SPTBN1: variants seen among roughly 807,000 people sequenced by gnomAD.
SPTBN1 encodes spectrin beta, non-erythrocytic 1.
Under a neutral mutation model 266.4 loss-of-function variants are expected in SPTBN1, and 32 were observed. That is an observed-to-expected ratio of 0.12 (90% CI 0.09 to 0.16). The LOEUF (loss-of-function observed/expected upper bound fraction) is 0.16, where lower values mean the gene tolerates loss of function less well. SPTBN1 is among the 10% of genes least tolerant of loss of function. The pLI is 1.00. For synonymous variants in SPTBN1, 1,336 were observed against 1,162.2 expected (o/e 1.15, Z -3.04); for missense variants, 2,296 against 3,067.1 (o/e 0.75, Z 5.94).
At chr2:54,504,952 A>G (rs1332249331) in intron 1 of SPTBN1, among the ~76,000 whole-genome samples, 2 of 152,230 alleles carry the variant, frequency 1.3e-5, no homozygotes, top group African/African-American at 4.8e-5. Context: ...GTGAAATCCA[A>G]TGAAAACGTG....
chr2:54,602,846 T>C (rs962131401), intron 3 of SPTBN1, among the ~76,000 whole-genome samples: 3 of 152,204 alleles, frequency 2.0e-5, no homozygotes, highest in African/African-American at 7.2e-5. Context: ...GTTGAACTGC[T>C]CTGAGTTTTT....
rs373259160 is a variant in SPTBN1 at position 54,545,211 on chromosome 2, A to G, written c.148+18645A>G. Among the ~76,000 whole-genome samples, 52 of 152,290 alleles carry G rather than the reference A, an allele frequency of 3.4e-4. No homozygotes were observed. In the East Asian group the frequency reaches 4.4e-3, roughly 13 times the overall value. On this transcript the variant is annotated intron_variant, in intron 2 of 35. Transcript: ENST00000356805. Reference sequence around the variant, plus strand: ...TTTGGGTTGGTTCCAAGTCTTTGCTATTGTGAACAGTGACACAATAAACAT... The same window carrying G: ...TTTGGGTTGGTTCCAAGTCTTTGCTGTTGTGAACAGTGACACAATAAACAT...
At chr2:54,579,534 A>T (rs1674731428) in intron 2 of SPTBN1, among the ~76,000 whole-genome samples, 1 of 152,206 alleles carries the variant, frequency 6.6e-6, no homozygotes, top group Non-Finnish European at 1.5e-5. Flanking sequence ...AGCTCTCTTA[A>T]TACCTGAACT....
intron 12 of SPTBN1, among the ~76,000 whole-genome samples, chr2:54,627,792 C>T (rs534195163): frequency 1.3e-5 from 2 of 150,142 alleles, no homozygotes; most frequent in African/African-American, 4.9e-5. Context: ...CCCTCCCCCC[C>T]ACCCTGGCCC....
chr2:54,632,128 A>C (rs1678778999), intron 16 of SPTBN1, among the ~76,000 whole-genome samples: 1 of 150,130 alleles, frequency 6.7e-6, no homozygotes, highest in South Asian at 2.1e-4. Context: ...TTTTCTTGAG[A>C]CCAGTCTGTC....
chr2:54,623,571 G>A lies in SPTBN1; in HGVS notation c.1157G>A (p.Gly386Glu). 6.2e-7 allele frequency: 1 copy of A among 1,614,060 alleles called. No individual in the cohort carries two copies. Among genetic ancestry groups the A allele is most frequent in the South Asian group, 1.1e-5 (1 of 91,060 alleles). The part of the protein sequence containing the change: ...NNQKVYMPRE[G>E]KLISDINKAW... ...CAGAAGGTCTACATGCCCCGGGAGG[G>A]GAAGCTCATCTCTGACATCAACAAG... The change falls in exon 10 of 36, where the codon GGG (glycine) becomes GAG (glutamate). Residue 386 changes from glycine (G) to glutamate (E), a missense_variant. Transcript: ENST00000356805.
chr2:54,621,401 C>T lies in SPTBN1; in HGVS notation c.765C>T (p.Asp255=). The T allele has an allele frequency of 6.2e-7, 1 of 1,612,364 alleles. No individual in the cohort carries two copies. The highest frequency in any genetic ancestry group is 8.5e-7 in the Non-Finnish European group (1 of 1,178,502). Residue 255 remains aspartate (D), a splice_region_variant and synonymous_variant, in exon 8 of 36, where the codon GAC becomes GAT. Coordinates refer to ENST00000356805, the MANE Select transcript of SPTBN1 (RefSeq NM_003128.3). ...AACAGAGTCTTCTCTGGGTTACAGA[C>T]ATCAGCGTGGACCATCCTGATGAGA... The part of the protein sequence containing the change: ...LGLTKLLDPE[D]ISVDHPDEKS...
Position 54,664,085 on chromosome 2 carries a change from C to T in SPTBN1, c.6421-368C>T. 1 of 164,418 alleles carries T rather than the reference C, an allele frequency of 6.1e-6. No homozygotes were observed. Among genetic ancestry groups the T allele is most frequent in the Admixed American group, 6.2e-5 (1 of 16,210 alleles). The allele number at this position is 164,418 out of a possible 1,614,324, so 10.2% of individuals were successfully genotyped here. On this transcript the variant is annotated intron_variant, in intron 32 of 35. Coordinates refer to ENST00000356805, the MANE Select transcript of SPTBN1 (RefSeq NM_003128.3). The surrounding 1 kb of genome is among the most constrained non-coding windows in gnomAD (Gnocchi z 5.6). ...GGTGGCATCCTTGGTTGTAAGGTGG[C>T]TGCTGTATAACGTCCACTCTCTTTC...
intron 1 of SPTBN1, among the ~76,000 whole-genome samples, chr2:54,521,928 G>A (rs1328137276): frequency 2.6e-5 from 4 of 151,932 alleles, no homozygotes; most frequent in Non-Finnish European, 2.9e-5. Flanking sequence ...GACAGAGTCT[G>A]GCTGTGTCAC....
chr2:54,493,686 G>A (rs574092541), intron 1 of SPTBN1, among the ~76,000 whole-genome samples: 1 of 152,346 alleles, frequency 6.6e-6, no homozygotes, highest in East Asian at 1.9e-4. Flanking sequence ...ACAGGCATGA[G>A]CCACCACACC....
intron 2 of SPTBN1, among the ~76,000 whole-genome samples, chr2:54,564,727 A>C (rs1673554399): frequency 6.6e-6 from 1 of 152,210 alleles, no homozygotes; most frequent in Non-Finnish European, 1.5e-5. Flanking sequence ...TAGGCATTCC[A>C]GGAGGTTGGG....
At position 54,619,636 on chromosome 2, in the gene SPTBN1, T is replaced by A. The variant is rs548161799; in HGVS notation, c.763+1443T>A. Reference sequence around the variant, plus strand: ...AAAATCTACTTGTAGACAAGTTAAATAAAAAGTTTTACCTTCTCACTTCTT... The same window carrying A: ...AAAATCTACTTGTAGACAAGTTAAAAAAAAAGTTTTACCTTCTCACTTCTT... On this transcript the variant is annotated intron_variant, in intron 7 of 35. Transcript: ENST00000356805. Among the ~76,000 whole-genome samples the A allele has an allele frequency of 7.9e-5, 12 of 151,106 alleles. No homozygotes were observed. The East Asian group carries it at 2.1e-3, about 27-fold the overall frequency.
intron 2 of SPTBN1, among the ~76,000 whole-genome samples, chr2:54,567,829 T>A (rs1053581689): frequency 6.6e-6 from 1 of 152,288 alleles, no homozygotes; most frequent in Non-Finnish European, 1.5e-5. Context: ...GGTATGATGA[T>A]CGTTTTGGAG....
intron 1 of SPTBN1, among the ~76,000 whole-genome samples, chr2:54,462,394 T>A (rs1399539255): frequency 1.3e-5 from 2 of 152,246 alleles, no homozygotes; most frequent in Non-Finnish European, 2.9e-5. Context: ...AGAGACCACT[T>A]ACTAGAAACC....
chr2:54,610,500 A>T (rs1230131783), intron 3 of SPTBN1, among the ~76,000 whole-genome samples: 3 of 152,182 alleles, frequency 2.0e-5, no homozygotes, highest in African/African-American at 7.2e-5. Context: ...CCTGGGCACA[A>T]GCAGTCTGCC....
At chr2:54,507,040 T>C (rs377616210) in intron 1 of SPTBN1, among the ~76,000 whole-genome samples, 42 of 152,120 alleles carry the variant, frequency 2.8e-4, no homozygotes, top group Middle Eastern at 3.4e-3. Context: ...AGCAATGTTT[T>C]GGGGGCAGGG....
chr2:54,605,773 C>T (rs1425997803), intron 3 of SPTBN1, among the ~76,000 whole-genome samples: 1 of 152,200 alleles, frequency 6.6e-6, no homozygotes, highest in Non-Finnish European at 1.5e-5. Context: ...TCCCACTCCT[C>T]TCGTATAGTA....
At chr2:54,457,090 G>A (rs1440717543) in intron 1 of SPTBN1, among the ~76,000 whole-genome samples, 1 of 151,506 alleles carries the variant, frequency 6.6e-6, no homozygotes, top group Admixed American at 6.6e-5. Flanking sequence ...CAGCTGAGCC[G>A]GAGGCGGCGG....
At chr2:54,633,146 T>C (rs1047172128) in intron 17 of SPTBN1, among the ~76,000 whole-genome samples, 1 of 152,246 alleles carries the variant, frequency 6.6e-6, no homozygotes, top group East Asian at 1.9e-4. Flanking sequence ...GCCAAGCCCG[T>C]GTTCCCCTTC....
Sources: gnomAD v4.1 joint callset for allele counts (sites outside exome capture counted in the v4.1 genomes callset) on GRCh38, gnomAD v4.1.1 for gene constraint, Gnocchi (gnomAD v3.1) non-coding constraint, MANE v1.5 for transcripts, NCBI Gene and HGNC (gene_info 2026-07-23, HGNC 2026-07-21) for gene names.